MOGAT1: variants seen among roughly 807,000 people sequenced by gnomAD.
MOGAT1 encodes the protein 2-acylglycerol O-acyltransferase 1.
Under a neutral mutation model 31.4 loss-of-function variants are expected in MOGAT1, and 32 were observed. The observed-to-expected ratio is 1.02, with a 90% CI of 0.77 to 1.37. The LOEUF (loss-of-function observed/expected upper bound fraction) is 1.37. Ranked by LOEUF, MOGAT1 falls within the 40% of genes most tolerant of loss-of-function variation. The pLI is 0.00. For synonymous variants in MOGAT1, 145 were observed against 144.5 expected (o/e 1.00, Z -0.03); for missense variants, 426 against 402.0 (o/e 1.06, Z -0.51).
intron 3 of MOGAT1, among the ~76,000 whole-genome samples, chr2:222,693,823 A>G (rs1338767743): frequency 1.3e-5 from 2 of 152,232 alleles, no homozygotes; most frequent in Non-Finnish European, 2.9e-5. Context: ...GTGGGGGCAC[A>G]GTCAAACGAT....
chr2:222,705,557 C>T (rs1419576332), intron 5 of MOGAT1, among the ~76,000 whole-genome samples: 1 of 152,170 alleles, frequency 6.6e-6, no homozygotes, highest in African/African-American at 2.4e-5. Flanking sequence ...CCTCAATGTC[C>T]TCATTTCTCT....
At chr2:222,673,347 T>G (rs867907254) in intron 1 of MOGAT1, among the ~76,000 whole-genome samples, 4 of 27,110 alleles carry the variant, frequency 1.5e-4, no homozygotes, top group African/African-American at 4.5e-4. Context: ...AAAAAAAAAA[T>G]GTAATTCAAA....
chr2:222,685,796 TC>T (rs1389207018), intron 1 of MOGAT1, among the ~76,000 whole-genome samples: 2 of 152,086 alleles, frequency 1.3e-5, no homozygotes, highest in African/African-American at 4.8e-5. Flanking sequence ...AGACAGGGTT[TC>T]TCCATGTTGG....
chr2:222,684,634 C>T (rs889061401), intron 1 of MOGAT1, among the ~76,000 whole-genome samples: 1 of 151,718 alleles, frequency 6.6e-6, no homozygotes, highest in Non-Finnish European at 1.5e-5. Context: ...TGAAGTGAAA[C>T]GGTGCAATCT....
rs1442555678 is a variant in MOGAT1, at chr2:222,695,138, C to T, written c.703C>T (p.Gln235Ter). ...VSFGENELFK[Q>*]TDNPEGSWIR... ...TTTTGGTGAAAATGAACTGTTTAAACAAACTGACAACCCTGAAGGATCATG... is the reference window on the plus strand; with the variant it reads ...TTTTGGTGAAAATGAACTGTTTAAATAAACTGACAACCCTGAAGGATCATG... Residue 235 changes from glutamine (Q) to a stop codon, truncating the protein, a stop_gained, in exon 5 of 6, where the codon CAA becomes TAA. Transcript: ENST00000446656. LOFTEE classifies it high-confidence loss of function. 6.2e-7 allele frequency: 1 copy of T among 1,612,278 alleles called. No homozygotes were observed. Among genetic ancestry groups the T allele is most frequent in the African/African-American group, 1.3e-5 (1 of 74,922 alleles).
intron 5 of MOGAT1, among the ~76,000 whole-genome samples, chr2:222,705,299 T>C (rs1166715581): frequency 6.6e-6 from 1 of 152,196 alleles, no homozygotes; most frequent in Non-Finnish European, 1.5e-5. Flanking sequence ...GCCAACCTCC[T>C]ATCTCATCCT....
At chr2:222,697,557 G>A (rs1292230687) in intron 5 of MOGAT1, among the ~76,000 whole-genome samples, 1 of 150,660 alleles carries the variant, frequency 6.6e-6, no homozygotes. Context: ...TCCTGTGGAA[G>A]GGAGACAATT....
At chr2:222,677,231 T>G (rs1315079608) in intron 1 of MOGAT1, among the ~76,000 whole-genome samples, 1 of 152,258 alleles carries the variant, frequency 6.6e-6, no homozygotes, top group Non-Finnish European at 1.5e-5. Flanking sequence ...AATTAAATAC[T>G]TATCTTTACA....
At position 222,695,932 on chromosome 2, in the gene MOGAT1, G is replaced by T. The variant is rs202038109; in HGVS notation, c.853+644G>T. Among the ~76,000 whole-genome samples the T allele has an allele frequency of 3.3e-5, 5 of 152,030 alleles. No homozygotes were observed. In the East Asian group the frequency reaches 5.8e-4, roughly 18 times the overall value. On this transcript the variant is annotated intron_variant, in intron 5 of 5. Transcript: ENST00000446656. ...TCACCCCTCTTCCACTCTTTCCCCCGAGTCCCCAAAGTCCATTGCATCATT... is the reference window on the plus strand; with the variant it reads ...TCACCCCTCTTCCACTCTTTCCCCCTAGTCCCCAAAGTCCATTGCATCATT...
At chr2:222,677,099 T>C (rs1336533879) in intron 1 of MOGAT1, among the ~76,000 whole-genome samples, 1 of 152,196 alleles carries the variant, frequency 6.6e-6, no homozygotes, top group Admixed American at 6.5e-5. Flanking sequence ...GAAGGTTTCT[T>C]GAGCAGATAT....
chr2:222,692,873 G>A (rs929534565), intron 3 of MOGAT1, among the ~76,000 whole-genome samples: 3 of 152,126 alleles, frequency 2.0e-5, no homozygotes, highest in African/African-American at 4.8e-5. Context: ...TCTTCCTGGT[G>A]GAAGAGATGC....
intron 1 of MOGAT1, among the ~76,000 whole-genome samples, 151 bp downstream of exon 1, chr2:222,672,030 G>A (rs968737556): frequency 6.6e-6 from 1 of 152,226 alleles, no homozygotes; most frequent in African/African-American, 2.4e-5. Context: ...AGCTAACGTG[G>A]ACTCTGGTTT....
intron 1 of MOGAT1, among the ~76,000 whole-genome samples, chr2:222,673,350 A>T (rs1692450495): frequency 6.6e-6 from 1 of 151,812 alleles, no homozygotes. Context: ...AAAAAAATGT[A>T]ATTCAAAGTG....
In MOGAT1 at chr2:222,684,517, G is replaced by C. The variant is rs138982481; in HGVS notation, c.95-3827G>C. Among the ~76,000 whole-genome samples, 811 of 152,226 alleles carry C rather than the reference G, an allele frequency of 5.3e-3. 10 individuals are homozygous for C. The highest frequency in any genetic ancestry group is 0.018 in the African/African-American group (767 of 41,526). ...GAATTTAAATTAGAACAACTTCTTT[G>C]GATAGCAAAATATCAAAGTGTATCA... On this transcript the variant is annotated intron_variant, in intron 1 of 5. Coordinates refer to ENST00000446656, the MANE Select transcript of MOGAT1 (RefSeq NM_058165.3).
chr2:222,687,914 A>G (rs1011728123), intron 1 of MOGAT1, among the ~76,000 whole-genome samples: 10 of 152,306 alleles, frequency 6.6e-5, no homozygotes, highest in African/African-American at 2.4e-4. Context: ...AGCTATGACT[A>G]AGTAGTTAGA....
rs1179482923 is a variant in MOGAT1 at position 222,682,145 on chromosome 2, C to A, written c.95-6199C>A. Reference sequence around the variant, plus strand: ...ACACACACACACACACATACGTGTGCACACACACACTTTGTTGTTGCTGCT... The same window carrying A: ...ACACACACACACACACATACGTGTGAACACACACACTTTGTTGTTGCTGCT... On this transcript the variant is annotated intron_variant, in intron 1 of 5. Coordinates refer to ENST00000446656, the MANE Select transcript of MOGAT1 (RefSeq NM_058165.3). Among the ~76,000 whole-genome samples the A allele has an allele frequency of 3.3e-5, 5 of 152,208 alleles. No individual in the cohort carries two copies. The South Asian group carries it at 6.2e-4, about 19-fold the overall frequency.
chr2:222,683,129 A>G (rs1291889525), intron 1 of MOGAT1, among the ~76,000 whole-genome samples: 1 of 151,936 alleles, frequency 6.6e-6, no homozygotes, highest in Non-Finnish European at 1.5e-5. Context: ...ACCTGAGCCC[A>G]AGAGGTCGAG....
chr2:222,685,322 C>T (rs570518883), intron 1 of MOGAT1, among the ~76,000 whole-genome samples: 1 of 152,284 alleles, frequency 6.6e-6, no homozygotes, highest in Non-Finnish European at 1.5e-5. Context: ...TGTACACCCT[C>T]ATGTTATTTA....
chr2:222,675,671 G>A (rs1003909486), intron 1 of MOGAT1, among the ~76,000 whole-genome samples: 7 of 151,810 alleles, frequency 4.6e-5, no homozygotes, highest in Non-Finnish European at 5.9e-5. Flanking sequence ...AGTAGAGACG[G>A]GGTTTCACCG....
Sources: gnomAD v4.1 joint callset for allele counts (sites outside exome capture counted in the v4.1 genomes callset) on GRCh38, gnomAD v4.1.1 for gene constraint, MANE v1.5 for transcripts, NCBI Gene and HGNC (gene_info 2026-07-23, HGNC 2026-07-21) for gene names.